Variants in SNTG1 observed in about 807,000 individuals in gnomAD.
SNTG1 encodes gamma-1-syntrophin.
A neutral mutation model predicts 74.7 loss-of-function variants in SNTG1; 39 were observed. That is an observed-to-expected ratio of 0.52 (90% CI 0.40 to 0.68). The LOEUF is 0.68. Ranked by LOEUF, SNTG1 falls within the 30% of genes least tolerant of loss-of-function variation. The pLI is 0.00. For missense variants in SNTG1, 685 were observed against 609.5 expected (o/e 1.12, Z -1.30); for synonymous variants, 254 against 217.1 (o/e 1.17, Z -1.49).
intron 4 of SNTG1, among the ~76,000 whole-genome samples, chr8:50,417,190 A>C (rs544665785): frequency 6.6e-6 from 1 of 152,280 alleles, no homozygotes; most frequent in South Asian, 2.1e-4. Flanking sequence ...ATAAAATCAA[A>C]GCAATTGCTT....
chr8:50,284,990 G>T (rs1374093556), intron 2 of SNTG1, among the ~76,000 whole-genome samples: 1 of 151,838 alleles, frequency 6.6e-6, no homozygotes, highest in African/African-American at 2.4e-5. Context: ...CCTTCAGATG[G>T]GCAAGTTCTC....
chr8:50,219,269 C>T lies in SNTG1; in HGVS notation c.-28+46634C>T, dbSNP rs184834919. Among the ~76,000 whole-genome samples, 277 of 152,268 alleles carry T rather than the reference C, an allele frequency of 1.8e-3. 2 individuals carry two copies. The highest frequency in any genetic ancestry group is 6.3e-3 in the African/African-American group (261 of 41,558). ...CTTTAAGAAGCTCCCACTGGTGACC[C>T]TTCCTAGTTATCTGACAGAAAGAAG... On this transcript the variant is annotated intron_variant, in intron 2 of 18. Transcript: ENST00000642720.
intron 15 of SNTG1, among the ~76,000 whole-genome samples, chr8:50,675,674 T>C (rs950117968): frequency 8.5e-5 from 13 of 152,232 alleles, no homozygotes; most frequent in Non-Finnish European, 1.5e-4. Flanking sequence ...GTTGGTATTA[T>C]TATATGTGAA....
At chr8:50,048,012 C>T (rs567978016) in intron 1 of SNTG1, among the ~76,000 whole-genome samples, 9 of 152,014 alleles carry the variant, frequency 5.9e-5, no homozygotes, top group Non-Finnish European at 1.2e-4. Flanking sequence ...ATGGAATGGA[C>T]TTATTTGAGA....
chr8:50,402,019 A>G (rs2092812207), intron 3 of SNTG1, among the ~76,000 whole-genome samples, 191 bp from the exon 4 acceptor site: 1 of 151,994 alleles, frequency 6.6e-6, no homozygotes, highest in Non-Finnish European at 1.5e-5. Flanking sequence ...CCGAGTGTTC[A>G]CTCTACTTGA....
intron 1 of SNTG1, among the ~76,000 whole-genome samples, chr8:50,002,810 A>G (rs534151508): frequency 1.3e-5 from 2 of 152,318 alleles, no homozygotes; most frequent in Admixed American, 1.3e-4. Flanking sequence ...TGTGAATAGC[A>G]ACAGAATTTG....
chr8:50,687,827 T>A (rs1302658573), intron 15 of SNTG1, among the ~76,000 whole-genome samples: 1 of 152,110 alleles, frequency 6.6e-6, no homozygotes, highest in Non-Finnish European at 1.5e-5. Flanking sequence ...CAGTGTTTGG[T>A]TTTTTGTCCT....
chr8:50,574,669 T>A (rs1172348491), intron 12 of SNTG1, among the ~76,000 whole-genome samples: 1 of 152,170 alleles, frequency 6.6e-6, no homozygotes, highest in African/African-American at 2.4e-5. Flanking sequence ...GATTACCCAC[T>A]TTTAATGGAT....
chr8:50,574,347 C>A (rs139436461), intron 12 of SNTG1, among the ~76,000 whole-genome samples: 199 of 152,058 alleles, frequency 1.3e-3, no homozygotes, highest in African/African-American at 4.4e-3. Context: ...ATATTTTTAT[C>A]TTTTGGAAAT....
At chr8:49,945,221 T>G (rs1465595653) in intron 1 of SNTG1, among the ~76,000 whole-genome samples, 1 of 152,154 alleles carries the variant, frequency 6.6e-6, no homozygotes, top group African/African-American at 2.4e-5. Context: ...AAAACAGTGT[T>G]GGAAGTCTGG....
chr8:50,268,654 A>ATT (rs35453036), intron 2 of SNTG1, among the ~76,000 whole-genome samples: 206 of 147,306 alleles, frequency 1.4e-3, no homozygotes, highest in Middle Eastern at 3.5e-3. Flanking sequence ...TACATATTCA[A>ATT]TTTTTTTTTT....
At chr8:50,476,978 C>T (rs184165104) in intron 8 of SNTG1, among the ~76,000 whole-genome samples, 99 of 152,080 alleles carry the variant, frequency 6.5e-4, no homozygotes, top group South Asian at 5.4e-3. Context: ...AAGCTGAAAC[C>T]ATCTGAACAA....
chr8:50,479,111 C>G (rs1587757314), intron 8 of SNTG1, among the ~76,000 whole-genome samples: 2 of 152,136 alleles, frequency 1.3e-5, no homozygotes, highest in Non-Finnish European at 2.9e-5. Context: ...ATACAGCTGT[C>G]AAACTATGGA....
chr8:50,467,524 CTCTT>C (rs1167759117), intron 8 of SNTG1, among the ~76,000 whole-genome samples: 1 of 151,692 alleles, frequency 6.6e-6, no homozygotes, highest in Admixed American at 6.6e-5. Flanking sequence ...GTATCTTTCT[CTCTT>C]TATTTCTTGG....
At chr8:50,170,200 C>G (rs2082758858) in intron 1 of SNTG1, among the ~76,000 whole-genome samples, 1 of 152,044 alleles carries the variant, frequency 6.6e-6, no homozygotes. Flanking sequence ...AGTAATGTTC[C>G]TACTTTCACA....
chr8:50,737,550 C>T (rs971742159), intron 17 of SNTG1, among the ~76,000 whole-genome samples: 20 of 152,138 alleles, frequency 1.3e-4, no homozygotes, highest in African/African-American at 4.6e-4. Context: ...TCCTCCCTAA[C>T]TCATTTTATG....
intron 1 of SNTG1, among the ~76,000 whole-genome samples, chr8:50,044,973 T>A (rs1377542279): frequency 6.6e-6 from 1 of 152,190 alleles, no homozygotes; most frequent in Non-Finnish European, 1.5e-5. Context: ...TTTAGATAGA[T>A]AGATGATAGC....
At chr8:50,683,635 CA>C (rs931738313) in intron 15 of SNTG1, among the ~76,000 whole-genome samples, 1 of 152,160 alleles carries the variant, frequency 6.6e-6, no homozygotes, top group Non-Finnish European at 1.5e-5. Context: ...AATAGGAGAG[CA>C]ATTTCAAGTG....
In SNTG1 at chr8:50,121,571, A is replaced by G. The variant is rs534733030; in HGVS notation, c.-102-50990A>G. Among the ~76,000 whole-genome samples, 4 of 143,156 alleles carry G rather than the reference A, an allele frequency of 2.8e-5. 1 individual carries two copies. The highest frequency in any genetic ancestry group is 1.4e-4 in the Admixed American group (2 of 13,938). 93.9% of individuals were successfully genotyped at this position (143,156 alleles called of 152,430 possible). On this transcript the variant is annotated intron_variant, in intron 1 of 18. Coordinates refer to ENST00000642720, the MANE Select transcript of SNTG1 (RefSeq NM_018967.5). The stretch of plus-strand genomic sequence containing the variant: ...TTCACTCAAATAAGTATTAATACAA[A>G]CTAACTTTAGTGGTATTGTGCCAGT...
Sources: gnomAD v4.1 joint callset for allele counts (sites outside exome capture counted in the v4.1 genomes callset) on GRCh38, gnomAD v4.1.1 for gene constraint, MANE v1.5 for transcripts, NCBI Gene and HGNC (gene_info 2026-07-23, HGNC 2026-07-21) for gene names.